ASXL2: variants seen among roughly 807,000 people sequenced by gnomAD.
The protein encoded by ASXL2 is putative Polycomb group protein ASXL2.
ASXL2 carries 23 observed loss-of-function variants against 122.0 expected under a neutral mutation model. That is an observed-to-expected ratio of 0.19 (90% confidence interval 0.14 to 0.27). The LOEUF (loss-of-function observed/expected upper bound fraction) is 0.27, where lower values mean the gene tolerates loss of function less well. Among genes scored for constraint, ASXL2 ranks in the 10% least tolerant of loss-of-function variants. ASXL2 has a pLI of 1.00. For synonymous variants in ASXL2, 650 were observed against 637.0 expected, an observed-to-expected ratio of 1.02 and a Z score of -0.31; for missense variants, 1,518 against 1,713.8, an observed-to-expected ratio of 0.89 and a Z score of 2.02.
At position 25,878,478 on chromosome 2, in the gene ASXL2, A is replaced by ACGGTCATGTGACCGCTC; in HGVS notation, c.-257_-256insGAGCGGTCACATGACCG. On this transcript the variant is annotated 5_prime_UTR_variant, in exon 1 of 13. The change creates a new upstream start codon in the 5' untranslated region. Transcript: ENST00000435504. ...GGTTCTTACTGTACAGGCTGCCGCT[A>ACGGTCATGTGACCGCTC]CGGTCATGTGACCGCTCCCGCGCGG... The ACGGTCATGTGACCGCTC allele has an allele frequency of 4.0e-6, 2 of 505,416 alleles. No homozygotes were observed. Among genetic ancestry groups the ACGGTCATGTGACCGCTC allele is most frequent in the Non-Finnish European group, 7.0e-6 (2 of 284,530 alleles). The allele number at this position is 505,416 out of a possible 1,614,324, so 31.3% of individuals were successfully genotyped here.
Position 25,740,584 on chromosome 2 carries a change from T to C in ASXL2, c.*1445A>G, listed in dbSNP as rs1270183418. On this transcript the variant is annotated 3_prime_UTR_variant, in exon 13 of 13. Coordinates refer to ENST00000435504, the MANE Select transcript of ASXL2 (RefSeq NM_018263.6). ...TGTTCCTTAACCATGACCTAAATAT[T>C]ATGTACTCACAATTTCTTCAGTCAC... is the stretch of plus-strand genomic sequence containing the variant. The C allele has an allele frequency of 4.3e-6, 1 of 229,906 alleles. No homozygotes were observed. Among genetic ancestry groups the C allele is most frequent in the Non-Finnish European group, 8.6e-6 (1 of 116,160 alleles). The allele number at this position is 229,906 out of a possible 1,614,324, so 14.2% of individuals were successfully genotyped here. A position where few individuals can be genotyped will look rare whatever the true frequency, so the allele number is the denominator to read the frequency against.
intron 4 of ASXL2, among the ~76,000 whole-genome samples, chr2:25,801,047 C>T (rs2088990742): frequency 6.6e-6 from 1 of 152,168 alleles, no homozygotes; most frequent in African/African-American, 2.4e-5. Flanking sequence ...CCACCTCAGC[C>T]TCTGGAGCAG....
Position 25,735,339 on chromosome 2 carries a change from C to A in ASXL2, c.*6690G>T, listed in dbSNP as rs1338056947. 6.6e-6 allele frequency: 1 copy of A among 152,166 alleles called. No individual in the cohort carries two copies. The highest frequency in any genetic ancestry group is 2.4e-5 in the African/African-American group (1 of 41,440). The allele number at this position is 152,166 out of a possible 1,614,324, so 9.4% of individuals were successfully genotyped here. A position where few individuals can be genotyped will look rare whatever the true frequency, so the allele number is the denominator to read the frequency against. ...CCTCCTGGTTCCTGGACAGAGACTA[C>A]GTTACATAGTGGAATACACCAAATT... On this transcript the variant is annotated 3_prime_UTR_variant, in exon 13 of 13. Coordinates refer to ENST00000435504, the MANE Select transcript of ASXL2 (RefSeq NM_018263.6).
intron 1 of ASXL2, among the ~76,000 whole-genome samples, chr2:25,857,458 T>A (rs2089794453): frequency 6.6e-6 from 1 of 152,204 alleles, no homozygotes; most frequent in Non-Finnish European, 1.5e-5. Context: ...ATTTTTCTAA[T>A]AACAAAGTAG....
intron 1 of ASXL2, among the ~76,000 whole-genome samples, chr2:25,874,257 G>A (rs958195468): frequency 6.6e-6 from 1 of 152,186 alleles, no homozygotes; most frequent in Non-Finnish European, 1.5e-5. Flanking sequence ...GGGAGGCAGA[G>A]GTGGGCAGAT....
At chr2:25,757,090 A>G (rs2088147257) in intron 9 of ASXL2, among the ~76,000 whole-genome samples, 1 of 152,152 alleles carries the variant, frequency 6.6e-6, no homozygotes, top group South Asian at 2.1e-4. Flanking sequence ...TAATATATTG[A>G]AGGAGAGGGT....
At chr2:25,810,030 C>A in intron 3 of ASXL2, 1 of 549,444 alleles carries the variant, frequency 1.8e-6, no homozygotes. Flanking sequence ...GTTGTCTTTT[C>A]CAGCTTGGCT....
chr2:25,810,410 C>T (rs1235954067), intron 3 of ASXL2: 1 of 688,764 alleles, frequency 1.5e-6, no homozygotes, highest in Non-Finnish European at 2.7e-6. Context: ...TGATCAGTAG[C>T]TTTTTCCGCT....
chr2:25,846,437 C>T (rs572250848), intron 1 of ASXL2, among the ~76,000 whole-genome samples: 5 of 152,222 alleles, frequency 3.3e-5, no homozygotes, highest in African/African-American at 1.2e-4. Context: ...CTCTTGAGGT[C>T]AGGAGTTCAA....
chr2:25,751,015 G>A (rs1481268175), intron 11 of ASXL2, among the ~76,000 whole-genome samples: 2 of 152,184 alleles, frequency 1.3e-5, no homozygotes, highest in African/African-American at 4.8e-5. Context: ...ATCCCACTTG[G>A]TTTAGCTCTA....
rs1031398603 is a variant in ASXL2, at chr2:25,733,894, G to A, written c.*8135C>T. 1 of 152,160 alleles carries A rather than the reference G, an allele frequency of 6.6e-6. No individual in the cohort carries two copies. The highest frequency in any genetic ancestry group is 1.5e-5 in the Non-Finnish European group (1 of 68,030). The allele number at this position is 152,160 out of a possible 1,614,324, so 9.4% of individuals were successfully genotyped here. Reference sequence around the variant, plus strand: ...ACAGCCTAAAAGTGACAGGAAAGAAGACAATAGTGAGGAGCTAAAAGGCAG... The same window carrying A: ...ACAGCCTAAAAGTGACAGGAAAGAAAACAATAGTGAGGAGCTAAAAGGCAG... On this transcript the variant is annotated 3_prime_UTR_variant, in exon 13 of 13. Coordinates refer to ENST00000435504, the MANE Select transcript of ASXL2 (RefSeq NM_018263.6).
In ASXL2 at chr2:25,742,170, T is replaced by C. The variant is rs756079519; in HGVS notation, c.4167A>G (p.Glu1389=). 1.9e-6 allele frequency: 3 copies of C among 1,613,890 alleles called. No individual in the cohort carries two copies. The East Asian group carries it at 6.7e-5, about 36-fold the overall frequency. ...AAGGCGTGCCCTCTATGCTGTTCTC[T>C]TCGGAGAACGCCTGAACAGGAATGG... ...GQTIPVQAFS[E]ENSIEGTPSK... Residue 1389 remains glutamate, a synonymous_variant, in exon 13 of 13, where the codon GAA becomes GAG. Coordinates refer to ENST00000435504, the MANE Select transcript of ASXL2 (RefSeq NM_018263.6).
chr2:25,768,688 A>T, intron 7 of ASXL2, 54 bp downstream of exon 7: 3 of 1,583,400 alleles, frequency 1.9e-6, no homozygotes, highest in Non-Finnish European at 2.6e-6. Context: ...GAAAACCAAC[A>T]TAAAAATACT....
chr2:25,854,193 T>C (rs2089751085), intron 1 of ASXL2, among the ~76,000 whole-genome samples: 1 of 152,158 alleles, frequency 6.6e-6, no homozygotes, highest in African/African-American at 2.4e-5. Flanking sequence ...ATCCAAAAAG[T>C]CTGGAGGTTA....
At chr2:25,865,545 A>G (rs1574455181) in intron 1 of ASXL2, among the ~76,000 whole-genome samples, 2 of 151,840 alleles carry the variant, frequency 1.3e-5, no homozygotes, top group Admixed American at 1.3e-4. Flanking sequence ...AGGTAGGCGG[A>G]TAACGAGGTC....
In ASXL2 at chr2:25,783,910, C is replaced by T. The variant is rs1027521882; in HGVS notation, c.404-12370G>A. Reference sequence around the variant, plus strand: ...CTCTACTACAAATACAAAAATTAGTCGGGCGTGGTGGCACATGCCTGTAAT... The same window carrying T: ...CTCTACTACAAATACAAAAATTAGTTGGGCGTGGTGGCACATGCCTGTAAT... On this transcript the variant is annotated intron_variant, in intron 5 of 12. Coordinates refer to ENST00000435504, the MANE Select transcript of ASXL2 (RefSeq NM_018263.6). 5.3e-5 allele frequency among the ~76,000 whole-genome samples: 8 copies of T among 151,990 alleles called. No homozygotes were observed. In the East Asian group the frequency reaches 9.7e-4, roughly 18 times the overall value.
At chr2:25,850,078 C>T (rs2149195508) in intron 1 of ASXL2, among the ~76,000 whole-genome samples, 1 of 152,216 alleles carries the variant, frequency 6.6e-6, no homozygotes, top group East Asian at 1.9e-4. Flanking sequence ...CTTGTTTCCT[C>T]CATACCTTCA....
intron 5 of ASXL2, among the ~76,000 whole-genome samples, chr2:25,782,481 G>A (rs2088661862): frequency 1.3e-5 from 2 of 152,132 alleles, no homozygotes; most frequent in Admixed American, 6.5e-5. Context: ...AGGAGATGGA[G>A]GTTGCAGTGA....
intron 5 of ASXL2, among the ~76,000 whole-genome samples, chr2:25,796,977 T>C (rs923162120): frequency 1.3e-5 from 2 of 152,038 alleles, no homozygotes; most frequent in Non-Finnish European, 2.9e-5. Flanking sequence ...AAAATGAAAA[T>C]TTCTAAAACT....
Sources: gnomAD v4.1 joint callset for allele counts (sites outside exome capture counted in the v4.1 genomes callset) on GRCh38, gnomAD v4.1.1 for gene constraint, MANE v1.5 for transcripts, NCBI Gene and HGNC (gene_info 2026-07-23, HGNC 2026-07-21) for gene names.